The following UBE2G1 variants were observed in gnomAD, a reference collection of about 807,000 sequenced individuals.
UBE2G1 encodes ubiquitin-conjugating enzyme E2 G1.
UBE2G1 carries 5 observed loss-of-function variants against 22.7 expected under a neutral mutation model. The ratio of observed to expected loss-of-function variants is 0.22; its 90% CI spans 0.12 to 0.46. The LOEUF is 0.46. Ranked by LOEUF, UBE2G1 falls within the 20% of genes least tolerant of loss-of-function variation. The probability of loss-of-function intolerance (pLI) is 0.99; values close to 1 mark genes in which losing one functional copy is unlikely to be tolerated. For missense variants in UBE2G1, 88 were observed against 203.9 expected (o/e 0.43, Z 3.46); for synonymous variants, 74 against 67.5 (o/e 1.10, Z -0.47).
rs879347804 is a variant in UBE2G1, at chr17:4,329,553, C to CA, written c.47-22431dup. The stretch of plus-strand genomic sequence containing the variant: ...AGCCTGGGTGAATGAGACTCTGTCT[C>CA]AAAAAAAAAAAAGAGACTGAGACTC... On this transcript the variant is annotated intron_variant, in intron 1 of 5. Transcript: ENST00000396981. 1.2e-3 allele frequency among the ~76,000 whole-genome samples: 160 copies of CA among 132,824 alleles called. 1 individual carries two copies. The highest frequency in any genetic ancestry group is 5.7e-3 in the East Asian group (26 of 4,598). The allele number at this position is 132,824 out of a possible 152,430, so 87.1% of individuals were successfully genotyped here. A position where few individuals can be genotyped will look rare whatever the true frequency, so the allele number is the denominator to read the frequency against.
intron 1 of UBE2G1, among the ~76,000 whole-genome samples, chr17:4,335,495 A>G (rs555800459): frequency 1.3e-5 from 2 of 152,342 alleles, no homozygotes; most frequent in African/African-American, 4.8e-5. Context: ...ACTAACAGAC[A>G]TTTTTGAACA....
chr17:4,318,374 C>CG (rs1248969347), intron 1 of UBE2G1, among the ~76,000 whole-genome samples: 6 of 152,048 alleles, frequency 3.9e-5, no homozygotes, highest in African/African-American at 1.5e-4. Flanking sequence ...ACAAGGCCCC[C>CG]GGTACCCCAA....
chr17:4,288,842 A>C (rs1969001232), intron 4 of UBE2G1, among the ~76,000 whole-genome samples: 1 of 152,118 alleles, frequency 6.6e-6, no homozygotes, highest in South Asian at 2.1e-4. Context: ...CCATTCCACA[A>C]CATATCCATA....
At chr17:4,325,060 G>C (rs1313126676) in intron 1 of UBE2G1, among the ~76,000 whole-genome samples, 1 of 151,650 alleles carries the variant, frequency 6.6e-6, no homozygotes, top group African/African-American at 2.4e-5. Flanking sequence ...CTGGGGGACA[G>C]AGCGAGACTC....
chr17:4,280,961 G>A (rs1245286661), intron 5 of UBE2G1, among the ~76,000 whole-genome samples: 2 of 152,186 alleles, frequency 1.3e-5, no homozygotes, highest in East Asian at 1.9e-4. Context: ...CTTGCCAATG[G>A]GACTATGAAA....
rs559564002 is a variant in UBE2G1, at chr17:4,271,158, T to C, written c.*1396A>G. ...TTTTAGAAAACTGTATGATATGAAA[T>C]ATATTGAAGCTCAAACATTAATCAC... On this transcript the variant is annotated 3_prime_UTR_variant, in exon 6 of 6. Transcript: ENST00000396981. 6.6e-6 allele frequency: 1 copy of C among 152,448 alleles called. No homozygotes were observed. Among genetic ancestry groups the C allele is most frequent in the East Asian group, 1.9e-4 (1 of 5,192 alleles). The allele number at this position is 152,448 out of a possible 1,614,324, so 9.4% of individuals were successfully genotyped here. A position where few individuals can be genotyped will look rare whatever the true frequency, so the allele number is the denominator to read the frequency against.
chr17:4,366,132 C>T (rs1173588952), intron 1 of UBE2G1, 139 bp downstream of exon 1: 20 of 874,866 alleles, frequency 2.3e-5, no homozygotes, highest in Non-Finnish European at 2.7e-5. Flanking sequence ...CCGGCCGGGA[C>T]CGGAGCCTCG....
intron 1 of UBE2G1, among the ~76,000 whole-genome samples, chr17:4,321,241 G>C (rs1969433405): frequency 6.6e-6 from 1 of 152,108 alleles, no homozygotes; most frequent in Non-Finnish European, 1.5e-5. Flanking sequence ...TGAACTGTAA[G>C]TCAAAGGAAC....
intron 1 of UBE2G1, among the ~76,000 whole-genome samples, chr17:4,361,178 G>A (rs982099147): frequency 4.0e-5 from 6 of 151,708 alleles, no homozygotes; most frequent in Non-Finnish European, 7.4e-5. Context: ...AACCAAGATC[G>A]CACCACTGCA....
chr17:4,355,006 T>C (rs1414869306), intron 1 of UBE2G1, among the ~76,000 whole-genome samples: 4 of 151,918 alleles, frequency 2.6e-5, no homozygotes, highest in Non-Finnish European at 4.4e-5. Context: ...GGAGGAGGAT[T>C]GCTTGAGCCG....
intron 1 of UBE2G1, among the ~76,000 whole-genome samples, chr17:4,344,732 G>GAT (rs1044963117): frequency 2.6e-5 from 4 of 152,100 alleles, no homozygotes; most frequent in Non-Finnish European, 4.4e-5. Flanking sequence ...TGTACCATGT[G>GAT]GTGGTATAGT....
At chr17:4,279,385 C>T (rs1199225475) in intron 5 of UBE2G1, among the ~76,000 whole-genome samples, 2 of 151,814 alleles carry the variant, frequency 1.3e-5, no homozygotes, top group African/African-American at 4.8e-5. Context: ...AAAGCAAGGA[C>T]TTGTCAATAA....
At chr17:4,352,833 G>A (rs1441326467) in intron 1 of UBE2G1, among the ~76,000 whole-genome samples, 7 of 152,080 alleles carry the variant, frequency 4.6e-5, no homozygotes, top group Non-Finnish European at 8.8e-5. Context: ...CCAGCACTTT[G>A]GGAGGCCGAG....
At chr17:4,359,037 T>G (rs370533612) in intron 1 of UBE2G1, among the ~76,000 whole-genome samples, 1 of 151,890 alleles carries the variant, frequency 6.6e-6, no homozygotes, top group South Asian at 2.1e-4. Flanking sequence ...CTAGAAAATA[T>G]ATACCTTACA....
chr17:4,282,895 T>C lies in UBE2G1; in HGVS notation c.453A>G (p.Gly151=). Residue 151 remains glycine, a synonymous_variant, in exon 5 of 6, where the codon GGA becomes GGG. Coordinates refer to ENST00000396981, the MANE Select transcript of UBE2G1 (RefSeq NM_003342.5). ...AAKEWREDRN[G]EFKRKVARCV... ...AGCGGGCAACTTTTCTTTTAAATTC[T>C]CCATTTCTATCTTCCCTCCATTCTT... 1 of 1,613,444 alleles carries C rather than the reference T, an allele frequency of 6.2e-7. No individual in the cohort carries two copies.
At chr17:4,293,492 G>C (rs946283513) in intron 3 of UBE2G1, among the ~76,000 whole-genome samples, 4 of 152,150 alleles carry the variant, frequency 2.6e-5, no homozygotes, top group Non-Finnish European at 5.9e-5. Context: ...GAACACTCGT[G>C]TTCGAGTTTT....
In UBE2G1 at chr17:4,270,309, T is replaced by C. The variant is rs1347683902; in HGVS notation, c.*2245A>G. 2 of 152,546 alleles carry C rather than the reference T, an allele frequency of 1.3e-5. No individual in the cohort carries two copies. The highest frequency in any genetic ancestry group is 2.9e-5 in the Non-Finnish European group (2 of 68,028). 9.4% of individuals were successfully genotyped at this position (152,546 alleles called of 1,614,324 possible). On this transcript the variant is annotated 3_prime_UTR_variant, in exon 6 of 6. Coordinates refer to ENST00000396981, the MANE Select transcript of UBE2G1 (RefSeq NM_003342.5). ...AATTATAGCAATAGGAGAGCAAAAT[T>C]TGAACTCCGTTTTGCCACAAGCAAC...
At chr17:4,339,111 C>T (rs1223775421) in intron 1 of UBE2G1, among the ~76,000 whole-genome samples, 1 of 152,106 alleles carries the variant, frequency 6.6e-6, no homozygotes, top group East Asian at 1.9e-4. Context: ...ACAGTAACAA[C>T]GAACGCTTTT....
intron 1 of UBE2G1, among the ~76,000 whole-genome samples, chr17:4,320,569 G>A (rs140091805): frequency 2.6e-5 from 4 of 152,288 alleles, no homozygotes; most frequent in African/African-American, 7.2e-5. Context: ...TCTGTAGGTG[G>A]TGGTTGTTAT....
Sources: allele counts gnomAD v4.1 joint callset (sites outside exome capture counted in the v4.1 genomes callset), GRCh38; gene constraint gnomAD v4.1.1; transcripts MANE v1.5; gene names NCBI Gene and HGNC (gene_info 2026-07-23, HGNC 2026-07-21).